Variants in ZBTB38 observed in about 807,000 individuals in gnomAD.
ZBTB38 encodes the protein zinc finger and BTB domain-containing protein 38.
Under a neutral mutation model 76.8 loss-of-function variants are expected in ZBTB38, and 20 were observed. The ratio of observed to expected loss-of-function variants is 0.26; its 90% CI spans 0.18 to 0.38. The LOEUF (loss-of-function observed/expected upper bound fraction) is 0.38, where lower values mean the gene tolerates loss of function less well. Ranked by LOEUF, ZBTB38 falls within the 10% of genes least tolerant of loss-of-function variation. The pLI is 1.00. For synonymous variants in ZBTB38, 504 were observed against 544.2 expected (o/e 0.93, Z 1.03); for missense variants, 1,082 against 1,482.3 (o/e 0.73, Z 4.43).
At chr3:141,356,364 T>C (rs1208446194) in intron 1 of ZBTB38, among the ~76,000 whole-genome samples, 2 of 152,020 alleles carry the variant, frequency 1.3e-5, no homozygotes, top group Non-Finnish European at 2.9e-5. Context: ...CATCCTGGCA[T>C]GGGGCTACAC....
chr3:141,382,447 G>A lies in ZBTB38; in HGVS notation c.-172+960G>A, dbSNP rs561334661. On this transcript the variant is annotated intron_variant, in intron 3 of 5. Transcript: ENST00000321464. Reference sequence around the variant, plus strand: ...TGAAGTGTGTGATCTTGGGCAAATCGTTGTATCTCTCTCGGCCTGTTTGGT... The same window carrying A: ...TGAAGTGTGTGATCTTGGGCAAATCATTGTATCTCTCTCGGCCTGTTTGGT... Among the ~76,000 whole-genome samples the A allele has an allele frequency of 1.1e-4, 17 of 152,268 alleles. 1 individual carries two copies. In the South Asian group the frequency reaches 1.2e-3, roughly 11 times the overall value.
At chr3:141,355,588 G>A (rs1161042099) in intron 1 of ZBTB38, among the ~76,000 whole-genome samples, 3 of 152,196 alleles carry the variant, frequency 2.0e-5, no homozygotes, top group Non-Finnish European at 2.9e-5. Flanking sequence ...AAGTCAGAGC[G>A]TACAGTGTGC....
intron 5 of ZBTB38, among the ~76,000 whole-genome samples, chr3:141,431,337 A>AT (rs1320311107): frequency 0.015 from 1,553 of 101,914 alleles, 77 homozygotes; most frequent in African/African-American, 0.059. Context: ...AAAAAAAAAA[A>AT]AAAAATATAT....
intron 5 of ZBTB38, among the ~76,000 whole-genome samples, chr3:141,409,803 T>C (rs1416760468): frequency 1.3e-5 from 2 of 152,224 alleles, no homozygotes; most frequent in Non-Finnish European, 2.9e-5. Context: ...CCAGAGCCTA[T>C]ACCAGTTGAA....
chr3:141,439,484 G>A (rs2079599438), intron 5 of ZBTB38, among the ~76,000 whole-genome samples: 1 of 152,210 alleles, frequency 6.6e-6, no homozygotes, highest in African/African-American at 2.4e-5. Context: ...ATTATTCCAT[G>A]TTAAGAGTTG....
chr3:141,380,843 A>G (rs1010627998), intron 2 of ZBTB38, among the ~76,000 whole-genome samples: 1 of 152,200 alleles, frequency 6.6e-6, no homozygotes, highest in Non-Finnish European at 1.5e-5. Context: ...GAAAGCAAGT[A>G]AATTTATTCC....
At chr3:141,383,450 C>A (rs1946484956) in intron 3 of ZBTB38, among the ~76,000 whole-genome samples, 1 of 152,174 alleles carries the variant, frequency 6.6e-6, no homozygotes, top group Non-Finnish European at 1.5e-5. Context: ...TTGACTACCT[C>A]TATTAGGTGT....
chr3:141,390,991 C>CA (rs1348705913), intron 4 of ZBTB38, among the ~76,000 whole-genome samples: 2 of 151,856 alleles, frequency 1.3e-5, no homozygotes, highest in Non-Finnish European at 1.5e-5. Context: ...CCCATCTCCA[C>CA]AAAAAATTTT....
chr3:141,443,230 A>G lies in ZBTB38; in HGVS notation c.842A>G (p.Asn281Ser). The G allele has an allele frequency of 1.2e-6, 2 of 1,614,248 alleles. No individual in the cohort carries two copies. The highest frequency in any genetic ancestry group is 2.2e-5 in the South Asian group (2 of 91,082). Residue 281 changes from asparagine (N) to serine (S), a missense_variant, in exon 6 of 6, where the codon AAT (asparagine) becomes AGT (serine). Around this residue, in one of 8 missense-constraint regions of ZBTB38, gnomAD observed 324 missense variants for 359.1 expected, o/e 0.90. Coordinates refer to ENST00000321464, the MANE Select transcript of ZBTB38 (RefSeq NM_001376113.1). This position sits in a 1 kb window ranked among gnomAD's most constrained non-coding sequence, Gnocchi z 5.6. ...CAGGATTCGGATTCAGCCACAGAAA[A>G]TATACCACCCCCTCCAGTATCCAAC... ...IPQDSDSATE[N>S]IPPPPVSNLE...
At chr3:141,371,974 T>C (rs1377011877) in intron 2 of ZBTB38, among the ~76,000 whole-genome samples, 1 of 152,224 alleles carries the variant, frequency 6.6e-6, no homozygotes, top group East Asian at 1.9e-4. Flanking sequence ...TACCTAGTTC[T>C]CTAGTTTTGT....
chr3:141,362,540 G>T (rs1242467439), intron 1 of ZBTB38, among the ~76,000 whole-genome samples: 2 of 152,174 alleles, frequency 1.3e-5, no homozygotes, highest in Non-Finnish European at 2.9e-5. Flanking sequence ...TGAGTGATAG[G>T]ACATAAATTA....
rs113887760 is a variant in ZBTB38, at chr3:141,357,126, C to T, written c.-738-11495C>T. 2.1e-3 allele frequency among the ~76,000 whole-genome samples: 315 copies of T among 152,342 alleles called. 4 individuals are homozygous for T. Among genetic ancestry groups the T allele is most frequent in the African/African-American group, 7.3e-3 (302 of 41,580 alleles). ...TTAATCTTTTCCATGTTTGCCAATG[C>T]GACAGGCAAATGACCCTCCTTGTGT... On this transcript the variant is annotated intron_variant, in intron 1 of 7. Transcript: ENST00000509842.
intron 5 of ZBTB38, among the ~76,000 whole-genome samples, chr3:141,406,790 G>C (rs761631806): frequency 7.2e-5 from 11 of 152,176 alleles, no homozygotes; most frequent in Non-Finnish European, 1.3e-4. Context: ...AGCGGAAGGG[G>C]GTTCCTAATG....
Position 141,444,518 on chromosome 3 carries a change from T to C in ZBTB38, c.2130T>C (p.Ser710=), listed in dbSNP as rs534486495. ...SENAASVISY[S]GSAPSVIVHS... ...ATGCCGCCTCTGTGATCAGCTACAG[T>C]GGCTCTGCACCCTCGGTCATTGTAC... Residue 710 remains serine, a synonymous_variant, in exon 6 of 6, where the codon AGT becomes AGC. Coordinates refer to ENST00000321464, the MANE Select transcript of ZBTB38 (RefSeq NM_001376113.1). This position sits in a 1 kb window ranked among gnomAD's most constrained non-coding sequence, Gnocchi z 5.1. 1.5e-5 allele frequency: 25 copies of C among 1,614,176 alleles called. No homozygotes were observed. In the African/African-American group the frequency reaches 2.9e-4, roughly 19 times the overall value.
At chr3:141,337,176 C>T (rs1354415706) in intron 1 of ZBTB38, among the ~76,000 whole-genome samples, 2 of 152,168 alleles carry the variant, frequency 1.3e-5, no homozygotes, top group Non-Finnish European at 2.9e-5. Context: ...AACCTGCATA[C>T]AAGTATAACG....
chr3:141,443,099 A>G lies in ZBTB38; in HGVS notation c.711A>G (p.Val237=), dbSNP rs182125313. 147 of 1,614,254 alleles carry G rather than the reference A, an allele frequency of 9.1e-5. No homozygotes were observed. The African/African-American group carries it at 1.7e-3, about 18-fold the overall frequency. ...CTGAAGCTTACAGAAGTCAGCCTGT[A>G]CGTGAACATGATGGCAGTTCACCTG... ...SVAEAYRSQP[V]REHDGSSPGN... is the part of the protein sequence containing the mutation. Residue 237 remains valine, a synonymous_variant, in exon 6 of 6, where the codon GTA becomes GTG. Coordinates refer to ENST00000321464, the MANE Select transcript of ZBTB38 (RefSeq NM_001376113.1). This position sits in a 1 kb window ranked among gnomAD's most constrained non-coding sequence, Gnocchi z 5.6.
chr3:141,361,213 A>G (rs532256206), intron 1 of ZBTB38, among the ~76,000 whole-genome samples: 1 of 152,332 alleles, frequency 6.6e-6, no homozygotes, highest in Admixed American at 6.5e-5. Context: ...GCCTGGTGCC[A>G]TAAAAGTCAG....
intron 4 of ZBTB38, among the ~76,000 whole-genome samples, chr3:141,397,865 A>G (rs1041890803): frequency 6.6e-6 from 1 of 152,246 alleles, no homozygotes; most frequent in Non-Finnish European, 1.5e-5. Context: ...TAACACATAT[A>G]ATGATAATGG....
At chr3:141,371,236 A>G (rs1308838228) in intron 2 of ZBTB38, among the ~76,000 whole-genome samples, 1 of 151,450 alleles carries the variant, frequency 6.6e-6, no homozygotes, top group Non-Finnish European at 1.5e-5. Flanking sequence ...TATTTTTAGT[A>G]GAGATGGGGT....
Sources: gnomAD v4.1 joint callset for allele counts (sites outside exome capture counted in the v4.1 genomes callset) on GRCh38, gnomAD v4.1.1 for gene constraint, gnomAD v4.1.1 regional missense constraint, Gnocchi (gnomAD v3.1) non-coding constraint, MANE v1.5 for transcripts, NCBI Gene and HGNC (gene_info 2026-07-23, HGNC 2026-07-21) for gene names.